The following GTF2IRD2B variants were observed in gnomAD, a reference collection of about 807,000 sequenced individuals.
GTF2IRD2B encodes GTF2I repeat domain containing 2B, also known as general transcription factor II-I repeat domain-containing protein 2B.
In GTF2IRD2B, 10 loss-of-function variants were observed where a neutral mutation model predicts 55.6. The ratio of observed to expected loss-of-function variants is 0.18; its 90% confidence interval spans 0.11 to 0.31. The LOEUF is 0.31. Ranked by LOEUF, GTF2IRD2B falls within the 10% of genes least tolerant of loss-of-function variation. The probability of loss-of-function intolerance (pLI) is 1.00; values close to 1 mark genes in which losing one functional copy is unlikely to be tolerated. For synonymous variants in GTF2IRD2B, 107 were observed against 320.5 expected (o/e 0.33, Z 7.12); for missense variants, 206 against 802.7 (o/e 0.26, Z 8.98).
intron 1 of GTF2IRD2B, among the ~76,000 whole-genome samples, chr7:75,106,895 A>G (rs1381297397): frequency 4.2e-5 from 6 of 144,496 alleles, no homozygotes; most frequent in African/African-American, 1.5e-4. Flanking sequence ...ACTGCACTCC[A>G]GACTGGGTGA....
intron 1 of GTF2IRD2B, among the ~76,000 whole-genome samples, chr7:75,107,046 T>C (rs1807830143): frequency 6.6e-6 from 1 of 151,886 alleles, no homozygotes; most frequent in Non-Finnish European, 1.5e-5. Flanking sequence ...TTCCTATCTT[T>C]AGCACACAAA....
At chr7:75,137,171 G>C (rs2023217) in intron 11 of GTF2IRD2B, among the ~76,000 whole-genome samples, 1 of 150,238 alleles carries the variant, frequency 6.7e-6, no homozygotes. Context: ...CCACTGTACT[G>C]CAGCCTGGGT....
rs1438569375 is a variant in GTF2IRD2B at position 75,134,787 on chromosome 7, G to A, written c.749-214G>A. 1.1e-3 allele frequency among the ~76,000 whole-genome samples: 155 copies of A among 144,450 alleles called. 4 individuals carry two copies. The highest frequency in any genetic ancestry group is 3.4e-3 in the Middle Eastern group (1 of 292). The allele number at this position is 144,450 out of a possible 152,430, so 94.8% of individuals were successfully genotyped here. On this transcript the variant is annotated intron_variant, in intron 9 of 15. Coordinates refer to ENST00000472837, the MANE Select transcript of GTF2IRD2B (RefSeq NM_001003795.3). ...TCACCATGTTGGCCAGGCTGGTCTC[G>A]AACTCCTGACCTCAGGTGATCTGCC...
chr7:75,121,661 G>A (rs1269330029), intron 4 of GTF2IRD2B, among the ~76,000 whole-genome samples: 1 of 150,904 alleles, frequency 6.6e-6, no homozygotes. Context: ...GTTTTGCCAT[G>A]TTGGCCAGGT....
chr7:75,112,582 C>T (rs1243238133), intron 3 of GTF2IRD2B, 47 bp downstream of exon 3: 6 of 865,466 alleles, frequency 6.9e-6, no homozygotes, highest in Admixed American at 4.8e-5. Context: ...TCAAAAGGAT[C>T]GCAGGCAAGA....
At chr7:75,117,410 G>T (rs1226736152) in intron 3 of GTF2IRD2B, among the ~76,000 whole-genome samples, 1 of 152,410 alleles carries the variant, frequency 6.6e-6, no homozygotes, top group African/African-American at 2.4e-5. Flanking sequence ...CAGGAGAATC[G>T]CTTGAACCCG....
intron 1 of GTF2IRD2B, among the ~76,000 whole-genome samples, chr7:75,093,571 G>A (rs1294028383): frequency 6.8e-6 from 1 of 146,350 alleles, no homozygotes; most frequent in Non-Finnish European, 1.5e-5. Flanking sequence ...TCCCCACCCC[G>A]TCCCTATCCC....
intron 1 of GTF2IRD2B, among the ~76,000 whole-genome samples, chr7:75,101,768 C>T (rs1427033144): frequency 6.7e-6 from 1 of 148,174 alleles, no homozygotes; most frequent in East Asian, 2.0e-4. Flanking sequence ...GTGGTGCACG[C>T]CTGTAATCCT....
intron 1 of GTF2IRD2B, among the ~76,000 whole-genome samples, chr7:75,101,324 C>T (rs587762722): frequency 2.6e-5 from 4 of 151,300 alleles, no homozygotes; most frequent in East Asian, 3.9e-4. Context: ...AATCCCAACA[C>T]TCTGGGAGGC....
At chr7:75,120,559 A>G (rs1808329885) in intron 3 of GTF2IRD2B, 1 of 304,780 alleles carries the variant, frequency 3.3e-6, no homozygotes, top group African/African-American at 3.2e-5. Flanking sequence ...GCACTCCTGG[A>G]GGCTGAGGTG....
At chr7:75,137,130 G>A (rs1417710664) in intron 11 of GTF2IRD2B, among the ~76,000 whole-genome samples, 1 of 151,000 alleles carries the variant, frequency 6.6e-6, no homozygotes, top group East Asian at 1.9e-4. Context: ...TTGAACCTGA[G>A]AGGCGGAGGT....
At chr7:75,121,913 A>G (rs1457805798) in intron 4 of GTF2IRD2B, among the ~76,000 whole-genome samples, 1 of 131,460 alleles carries the variant, frequency 7.6e-6, no homozygotes, top group Non-Finnish European at 1.6e-5. Context: ...GGCACCCGCC[A>G]CCGTGCCCGG....
In GTF2IRD2B at chr7:75,148,775, C is replaced by T; in HGVS notation, c.2328C>T (p.Ile776=). The T allele has an allele frequency of 9.5e-6, 14 of 1,476,452 alleles. No homozygotes were observed. Among genetic ancestry groups the T allele is most frequent in the Non-Finnish European group, 1.3e-5 (14 of 1,055,168 alleles). The allele number at this position is 1,476,452 out of a possible 1,614,324, so 91.5% of individuals were successfully genotyped here. A position where few individuals can be genotyped will look rare whatever the true frequency, so the allele number is the denominator to read the frequency against. ...TCTCTCTCCAAGGACACTCCCAAAT[C>T]GTCACGCAGATGTATGACCTGATCC... ...LNISLQGHSQ[I]VTQMYDLIRA... Residue 776 remains isoleucine, a synonymous_variant, in exon 16 of 16, where the codon ATC becomes ATT. Coordinates refer to ENST00000472837, the MANE Select transcript of GTF2IRD2B (RefSeq NM_001003795.3).
chr7:75,124,445 T>TG (rs1808489576), intron 6 of GTF2IRD2B, among the ~76,000 whole-genome samples: 1 of 137,498 alleles, frequency 7.3e-6, no homozygotes, highest in African/African-American at 2.7e-5. Flanking sequence ...ACGGCAGGGG[T>TG]GGGGGGTGGC....
intron 1 of GTF2IRD2B, among the ~76,000 whole-genome samples, chr7:75,102,469 G>A (rs782417695): frequency 4.0e-5 from 6 of 151,230 alleles, no homozygotes. Context: ...TTAAGTTGAG[G>A]GGATTCATAA....
chr7:75,137,144 A>G (rs1196296602), intron 11 of GTF2IRD2B, among the ~76,000 whole-genome samples: 2 of 151,026 alleles, frequency 1.3e-5, no homozygotes, highest in African/African-American at 4.9e-5. Context: ...CGGAGGTTGC[A>G]GTGAGCTGAG....
intron 1 of GTF2IRD2B, among the ~76,000 whole-genome samples, chr7:75,102,071 C>G (rs1554421947): frequency 6.6e-6 from 1 of 150,872 alleles, no homozygotes; most frequent in African/African-American, 2.4e-5. Context: ...GGTGGGATCT[C>G]GGCTCACTGC....
At chr7:75,093,640 G>C (rs1193366166) in intron 1 of GTF2IRD2B, among the ~76,000 whole-genome samples, 1 of 152,258 alleles carries the variant, frequency 6.6e-6, no homozygotes, top group Middle Eastern at 3.2e-3. Context: ...ATTTCGTGTG[G>C]ATAGAATCAT....
intron 6 of GTF2IRD2B, among the ~76,000 whole-genome samples, chr7:75,124,136 G>A (rs1254479808): frequency 3.3e-5 from 5 of 151,918 alleles, no homozygotes; most frequent in African/African-American, 1.2e-4. Context: ...GGGAGGCAGA[G>A]GTGGGCAGAT....
Sources: gnomAD v4.1 joint callset for allele counts (sites outside exome capture counted in the v4.1 genomes callset) on GRCh38, gnomAD v4.1.1 for gene constraint, MANE v1.5 for transcripts, NCBI Gene and HGNC (gene_info 2026-07-23, HGNC 2026-07-21) for gene names.